The following L3MBTL1 variants were observed in gnomAD, a reference collection of about 807,000 sequenced individuals.
L3MBTL1 encodes L3MBTL histone methyl-lysine binding protein 1, also known as lethal(3)malignant brain tumor-like protein 1.
A neutral mutation model predicts 105.3 loss-of-function variants in L3MBTL1; 75 were observed. The observed-to-expected ratio is 0.71, with a 90% CI of 0.59 to 0.86. The LOEUF (loss-of-function observed/expected upper bound fraction) is 0.86, where lower values mean the gene tolerates loss of function less well. L3MBTL1 is among the 40% of genes least tolerant of loss of function. The pLI is 0.00. For synonymous variants in L3MBTL1, 452 were observed against 436.2 expected, an observed-to-expected ratio of 1.04 and a Z score of -0.45; for missense variants, 1,069 against 1,126.4, an observed-to-expected ratio of 0.95 and a Z score of 0.73.
chr20:43,509,640 T>C (rs921479638), intron 1 of L3MBTL1, among the ~76,000 whole-genome samples: 6 of 152,240 alleles, frequency 3.9e-5, no homozygotes, highest in Non-Finnish European at 7.3e-5. Flanking sequence ...CATTTTGTCA[T>C]GTTTGTGACT....
chr20:43,545,116 A>G (rs906056868), downstream of L3MBTL1, among the ~76,000 whole-genome samples: 1 of 152,054 alleles, frequency 6.6e-6, no homozygotes, highest in African/African-American at 2.4e-5. Context: ...GGAGCCCCAG[A>G]GGCCAGGCAT....
chr20:43,516,020 G>A, intron 6 of L3MBTL1, 73 bp from the exon 7 acceptor site: 4 of 1,166,490 alleles, frequency 3.4e-6, no homozygotes, highest in Non-Finnish European at 5.1e-6. Flanking sequence ...CCAGGTAGGG[G>A]CCAGGATCAG....
rs377226113 is a variant in L3MBTL1 at position 43,516,153 on chromosome 20, G to A, written c.838G>A (p.Glu280Lys). 6 of 1,614,038 alleles carry A rather than the reference G, an allele frequency of 3.7e-6. 1 individual carries two copies. In the African/African-American group the frequency reaches 6.7e-5, roughly 18 times the overall value. Residue 280 changes from glutamate (E) to lysine (K), a missense_variant, in exon 7 of 22, where the codon GAG (glutamate) becomes AAG (lysine). Glu to Lys is a moderately conservative substitution (Grantham distance 56, BLOSUM62 1). Transcript: ENST00000418998. ...GQPTASTPES[E>K]EWSSSQPATG... ...ACCCACTGCTAGCACCCCAGAGAGT[G>A]AGGAGTGGAGCAGCAGCCAGCCTGG... is the stretch of plus-strand genomic sequence containing the variant.
At chr20:43,533,311 C>T in intron 12 of L3MBTL1, 31 bp from the exon 13 acceptor site, 1 of 1,606,790 alleles carries the variant, frequency 6.2e-7, no homozygotes, top group Non-Finnish European at 8.5e-7. Flanking sequence ...TCAAGTTTCT[C>T]TTGGGACAGT....
intron 19 of L3MBTL1, 26 bp downstream of exon 19, chr20:43,536,484 GTCC>G (rs1445150053): frequency 3.7e-6 from 6 of 1,612,478 alleles, no homozygotes; most frequent in Non-Finnish European, 5.1e-6. Context: ...CTGCTCCTAT[GTCC>G]TCCACCACAG....
chr20:43,530,708 C>A, intron 10 of L3MBTL1, 90 bp from the exon 11 acceptor site: 2 of 1,234,894 alleles, frequency 1.6e-6, no homozygotes, highest in Non-Finnish European at 2.4e-6. Context: ...GGTCCTCAGG[C>A]ATGCCTGATT....
At chr20:43,531,080 G>T in intron 11 of L3MBTL1, 191 bp downstream of exon 11, 1 of 582,592 alleles carries the variant, frequency 1.7e-6, no homozygotes, top group South Asian at 2.2e-5. Flanking sequence ...CTGGTTATAG[G>T]TTTTTCCCGA....
downstream of L3MBTL1, among the ~76,000 whole-genome samples, chr20:43,543,534 T>C (rs1310442851): frequency 6.6e-6 from 1 of 152,196 alleles, no homozygotes; most frequent in Non-Finnish European, 1.5e-5. Flanking sequence ...AAGGGAGGTG[T>C]ACTGGTAGAC....
chr20:43,530,441 C>G, intron 10 of L3MBTL1, 22 bp downstream of exon 10: 2 of 1,611,142 alleles, frequency 1.2e-6, no homozygotes. Flanking sequence ...CTGGGTTGGT[C>G]ACAGTGAGGC....
At chr20:43,530,524 A>T (rs1474495077) in intron 10 of L3MBTL1, 105 bp downstream of exon 10, 15 of 1,304,904 alleles carry the variant, frequency 1.1e-5, no homozygotes, top group African/African-American at 1.5e-5. Flanking sequence ...CTGACCCTGT[A>T]CCCTGTTCCA....
At chr20:43,545,037 C>G (rs562844036), downstream of L3MBTL1, among the ~76,000 whole-genome samples, 4 of 152,180 alleles carry the variant, frequency 2.6e-5, no homozygotes, top group African/African-American at 9.6e-5. Flanking sequence ...CCAGGGGTTT[C>G]TTTCCTTCAT....
rs1164097346 is a variant in L3MBTL1 at position 43,514,727 on chromosome 20, A to T, written c.453A>T (p.Glu151Asp). The T allele has an allele frequency of 3.2e-6, 5 of 1,576,584 alleles. No individual in the cohort carries two copies. Among genetic ancestry groups the T allele is most frequent in the Non-Finnish European group, 4.3e-6 (5 of 1,161,360 alleles). The change falls in exon 4 of 22, where the codon GAA becomes GAT. Residue 151 changes from glutamate to aspartate, a missense_variant. Physicochemically the swap from Glu to Asp is conservative, Grantham distance 45 (BLOSUM62 2). Coordinates refer to ENST00000418998, the MANE Select transcript of L3MBTL1 (RefSeq NM_001377303.1). ...GGCAGGAAGGCGTGACCGAATACGA[A>T]GATGGCGGGGCCCCGGCGGGAGATG... ...ELRQEGVTEY[E>D]DGGAPAGDGE...
In L3MBTL1 at chr20:43,535,855, C is replaced by T. The variant is rs1280422549; in HGVS notation, c.1844C>T (p.Ser615Phe). ...CTTTTAGGACCCAGAGAGCCCAGCT[C>T]TGCCTCCCCTGGGGGCTGTCCCCCT... ...QPPLGPREPS[S>F]ASPGGCPPLS... is the part of the protein sequence containing the mutation. The change falls in exon 17 of 22, where the codon TCT becomes TTT. Residue 615 changes from serine to phenylalanine, a missense_variant. Ser to Phe is a radical substitution (Grantham distance 155). Transcript: ENST00000418998. 1 of 1,601,858 alleles carries T rather than the reference C, an allele frequency of 6.2e-7. No homozygotes were observed. Among genetic ancestry groups the T allele is most frequent in the Non-Finnish European group, 8.5e-7 (1 of 1,174,600 alleles).
chr20:43,529,164 C>A (rs888915988), intron 8 of L3MBTL1, 100 bp from the exon 9 acceptor site: 3 of 787,640 alleles, frequency 3.8e-6, no homozygotes, highest in African/African-American at 3.4e-5. Flanking sequence ...TTGGAAATAC[C>A]AGGCGGGTGG....
At chr20:43,544,517 TC>T (rs1978448919), downstream of L3MBTL1, among the ~76,000 whole-genome samples, 1 of 152,196 alleles carries the variant, frequency 6.6e-6, no homozygotes, top group East Asian at 1.9e-4. Context: ...CTGAGGTCAT[TC>T]CATTGTTCCC....
intron 7 of L3MBTL1, among the ~76,000 whole-genome samples, chr20:43,518,997 A>G (rs973895834): frequency 7.0e-6 from 1 of 142,226 alleles, no homozygotes; most frequent in South Asian, 2.3e-4. Context: ...CTGCACTCCA[A>G]CCTAGGCAAC....
At chr20:43,534,235 A>C in intron 14 of L3MBTL1, 49 bp from the exon 15 acceptor site, 1 of 1,582,072 alleles carries the variant, frequency 6.3e-7, no homozygotes, top group Non-Finnish European at 8.7e-7. Flanking sequence ...TGTGGGGCTC[A>C]GCTCTGCTGA....
At chr20:43,532,705 G>T in intron 11 of L3MBTL1, 68 bp from the exon 12 acceptor site, 1 of 1,540,312 alleles carries the variant, frequency 6.5e-7, no homozygotes, top group Non-Finnish European at 8.9e-7. Context: ...TCCTTTGTTT[G>T]CCAATGGGCT....
At chr20:43,514,541 T>C (rs376452961) in intron 3 of L3MBTL1, 94 bp from the exon 4 acceptor site, 1 of 1,582,948 alleles carries the variant, frequency 6.3e-7, no homozygotes, top group Non-Finnish European at 8.6e-7. Context: ...GGGCGTGAGC[T>C]GGCATGAGGC....
Sources: allele counts gnomAD v4.1 joint callset (sites outside exome capture counted in the v4.1 genomes callset), GRCh38; gene constraint gnomAD v4.1.1; transcripts MANE v1.5; gene names NCBI Gene and HGNC (gene_info 2026-07-23, HGNC 2026-07-21).